The following CNTNAP2 variants were observed in gnomAD, a reference collection of about 807,000 sequenced individuals.
The protein encoded by CNTNAP2 is contactin associated protein 2, also known as contactin-associated protein-like 2.
A neutral mutation model predicts 155.2 loss-of-function variants in CNTNAP2; 98 were observed. The ratio of observed to expected loss-of-function variants is 0.63; its 90% CI spans 0.54 to 0.75. The LOEUF is 0.75. Ranked by LOEUF, CNTNAP2 falls within the 30% of genes least tolerant of loss-of-function variation. The pLI, the probability that CNTNAP2 is intolerant of heterozygous loss-of-function variation, is 0.00. For missense variants in CNTNAP2, 1,727 were observed against 1,688.1 expected (o/e 1.02, Z -0.40); for synonymous variants, 651 against 631.2 (o/e 1.03, Z -0.47).
At chr7:147,164,298 A>G (rs192757603) in intron 8 of CNTNAP2, among the ~76,000 whole-genome samples, 1 of 152,352 alleles carries the variant, frequency 6.6e-6, no homozygotes, top group Non-Finnish European at 1.5e-5. Flanking sequence ...ATTGTGAGAC[A>G]TCATGCCTGC....
rs188324304 is a variant in CNTNAP2, at chr7:146,856,646, G to T, written c.402+16742G>T. On this transcript the variant is annotated intron_variant, in intron 3 of 23. Transcript: ENST00000361727. ...CAAGAGAAATTAAACATCTTGAGTG[G>T]GTAATCAAAATAAAAATTACAGATG... Among the ~76,000 whole-genome samples the T allele has an allele frequency of 3.3e-3, 509 of 152,150 alleles. 3 individuals carry two copies. Among genetic ancestry groups the T allele is most frequent in the African/African-American group, 0.012 (491 of 41,506 alleles).
intron 1 of CNTNAP2, among the ~76,000 whole-genome samples, chr7:146,278,059 T>G (rs1800191799): frequency 6.6e-6 from 1 of 152,242 alleles, no homozygotes; most frequent in Non-Finnish European, 1.5e-5. Flanking sequence ...AATGTTATTG[T>G]CAGCAGATTA....
At chr7:146,953,103 A>C (rs1797356331) in intron 3 of CNTNAP2, among the ~76,000 whole-genome samples, 1 of 152,064 alleles carries the variant, frequency 6.6e-6, no homozygotes, top group Admixed American at 6.6e-5. Context: ...GGTCTCAGCA[A>C]GACAATATCT....
At chr7:146,630,547 A>C (rs1469655052) in intron 1 of CNTNAP2, among the ~76,000 whole-genome samples, 1 of 152,134 alleles carries the variant, frequency 6.6e-6, no homozygotes, top group East Asian at 1.9e-4. Flanking sequence ...ATTTTGAGGA[A>C]TCACCACACT....
chr7:146,606,438 T>C (rs1799048975), intron 1 of CNTNAP2, among the ~76,000 whole-genome samples: 1 of 152,162 alleles, frequency 6.6e-6, no homozygotes, highest in African/African-American at 2.4e-5. Flanking sequence ...CCCTTTCAAA[T>C]TGTACAATGT....
At chr7:147,042,432 C>T (rs1036560245) in intron 3 of CNTNAP2, among the ~76,000 whole-genome samples, 1 of 152,056 alleles carries the variant, frequency 6.6e-6, no homozygotes, top group South Asian at 2.1e-4. Flanking sequence ...TATTTCGGAG[C>T]GCAGGAATTT....
intron 20 of CNTNAP2, among the ~76,000 whole-genome samples, chr7:148,252,116 T>C (rs879195124): frequency 1.3e-5 from 2 of 152,220 alleles, no homozygotes; most frequent in South Asian, 2.1e-4. Flanking sequence ...GACTTCCAAT[T>C]TGGGAATTGA....
intron 12 of CNTNAP2, among the ~76,000 whole-genome samples, chr7:147,592,105 G>C (rs958293350): frequency 1.3e-5 from 2 of 152,158 alleles, no homozygotes; most frequent in Non-Finnish European, 2.9e-5. Flanking sequence ...CTTGGACTAA[G>C]TGCCTGTGAA....
chr7:147,277,644 T>A (rs1426309057), intron 8 of CNTNAP2, among the ~76,000 whole-genome samples: 5 of 151,852 alleles, frequency 3.3e-5, no homozygotes, highest in Non-Finnish European at 7.4e-5. Flanking sequence ...TTTGTGGGGA[T>A]GCTGTACACT....
intron 2 of CNTNAP2, among the ~76,000 whole-genome samples, chr7:146,795,935 G>A (rs553797820): frequency 3.3e-5 from 5 of 152,222 alleles, no homozygotes; most frequent in African/African-American, 7.2e-5. Flanking sequence ...CAAAGCATAT[G>A]CTACATTTTA....
intron 9 of CNTNAP2, among the ~76,000 whole-genome samples, chr7:147,308,247 G>A (rs144574730): frequency 2.9e-4 from 44 of 152,292 alleles, no homozygotes; most frequent in African/African-American, 9.9e-4. Context: ...AGTCAGTGTG[G>A]CTGAGAAAAG....
chr7:146,381,190 A>C (rs1262142797), intron 1 of CNTNAP2, among the ~76,000 whole-genome samples: 3 of 152,136 alleles, frequency 2.0e-5, no homozygotes, highest in Non-Finnish European at 4.4e-5. Context: ...TCACAAGCAG[A>C]GACTCAATGC....
intron 8 of CNTNAP2, among the ~76,000 whole-genome samples, chr7:147,133,741 G>T (rs1161116537): frequency 1.3e-5 from 2 of 151,896 alleles, no homozygotes; most frequent in African/African-American, 4.8e-5. Flanking sequence ...CTGAATGTAT[G>T]GTCTATTACT....
chr7:147,366,784 C>CAT (rs1796237303), intron 9 of CNTNAP2, among the ~76,000 whole-genome samples: 2 of 108,264 alleles, frequency 1.8e-5, no homozygotes, highest in Non-Finnish European at 3.6e-5. Flanking sequence ...GTTGCACGCA[C>CAT]ACACACACAC....
chr7:146,130,539 T>C (rs534553269), intron 1 of CNTNAP2, among the ~76,000 whole-genome samples: 1 of 152,320 alleles, frequency 6.6e-6, no homozygotes, highest in East Asian at 1.9e-4. Context: ...ATATTTAGCT[T>C]AGAGAATTTT....
intron 9 of CNTNAP2, among the ~76,000 whole-genome samples, chr7:147,347,446 ATATATATATG>A (rs1433516191): frequency 6.0e-5 from 3 of 50,292 alleles, no homozygotes; most frequent in African/African-American, 1.9e-4. Flanking sequence ...ATATGCATAT[ATATATATATG>A]CATATATATA....
At chr7:147,331,725 G>T (rs1338590738) in intron 9 of CNTNAP2, among the ~76,000 whole-genome samples, 2 of 152,180 alleles carry the variant, frequency 1.3e-5, no homozygotes, top group Non-Finnish European at 2.9e-5. Context: ...TTTGGCAAAG[G>T]AGGATATAAA....
intron 2 of CNTNAP2, among the ~76,000 whole-genome samples, chr7:146,838,686 A>T (rs974057392): frequency 1.3e-5 from 2 of 152,246 alleles, no homozygotes; most frequent in Non-Finnish European, 2.9e-5. Context: ...TTAAGCAAAA[A>T]TAGGCCATGT....
intron 20 of CNTNAP2, among the ~76,000 whole-genome samples, chr7:148,246,938 G>A (rs1796272769): frequency 6.6e-6 from 1 of 152,186 alleles, no homozygotes; most frequent in Non-Finnish European, 1.5e-5. Context: ...GTATTCAATT[G>A]AATGTTTACT....
Sources: gnomAD v4.1 joint callset for allele counts (sites outside exome capture counted in the v4.1 genomes callset) on GRCh38, gnomAD v4.1.1 for gene constraint, MANE v1.5 for transcripts, NCBI Gene and HGNC (gene_info 2026-07-23, HGNC 2026-07-21) for gene names.